C6orf163: variants seen among roughly 807,000 people sequenced by gnomAD.
The protein encoded by C6orf163 is uncharacterized protein C6orf163.
In C6orf163, 22 loss-of-function variants were observed where a neutral mutation model predicts 28.4. The observed-to-expected ratio is 0.78, with a 90% CI of 0.55 to 1.11. The LOEUF is 1.11. C6orf163 is among the 50% of genes least tolerant of loss of function. The pLI, the probability that C6orf163 is intolerant of heterozygous loss-of-function variation, is 0.00. For synonymous variants in C6orf163, 110 were observed against 123.6 expected, an observed-to-expected ratio of 0.89 and a Z score of 0.73; for missense variants, 342 against 389.1, an observed-to-expected ratio of 0.88 and a Z score of 1.02.
intron 4 of C6orf163, chr6:87,358,258 G>A (rs147286602): frequency 1.4e-4 from 21 of 152,034 alleles, no homozygotes; most frequent in African/African-American, 4.8e-4. Flanking sequence ...GTGGATTGAG[G>A]TGATTAGATT....
chr6:87,352,097 C>T (rs980177676), intron 3 of C6orf163, among the ~76,000 whole-genome samples: 1 of 121,682 alleles, frequency 8.2e-6, no homozygotes, highest in Non-Finnish European at 1.9e-5. Context: ...AAAGGGGGAT[C>T]GACCTTCCTG....
intron 4 of C6orf163, chr6:87,358,169 A>G (rs566183542): frequency 3.1e-4 from 47 of 152,302 alleles, no homozygotes; most frequent in African/African-American, 1.1e-3. Context: ...TTATTTTACT[A>G]TAAACTTTCA....
intron 4 of C6orf163, among the ~76,000 whole-genome samples, chr6:87,358,801 A>G (rs929847043): frequency 6.6e-6 from 1 of 152,074 alleles, no homozygotes; most frequent in Non-Finnish European, 1.5e-5. Flanking sequence ...AGGAGATTGT[A>G]TCATCCTACA....
intron 4 of C6orf163, chr6:87,357,309 T>A (rs1777518238): frequency 6.6e-6 from 1 of 152,160 alleles, no homozygotes. Flanking sequence ...TTCCAGATTT[T>A]TTTACCAGGT....
intron 1 of C6orf163, chr6:87,347,282 G>T: frequency 2.1e-6 from 1 of 479,786 alleles, no homozygotes; most frequent in Non-Finnish European, 2.7e-6. Flanking sequence ...CATCCAAGTT[G>T]TTTATCAATA....
intron 1 of C6orf163, chr6:87,347,279 G>A: frequency 2.2e-6 from 1 of 448,088 alleles, no homozygotes; most frequent in Non-Finnish European, 2.9e-6. Flanking sequence ...ATTCATCCAA[G>A]TTGTTTATCA....
chr6:87,356,799 C>A (rs866280622), intron 4 of C6orf163: 10 of 299,124 alleles, frequency 3.3e-5, no homozygotes, highest in African/African-American at 1.9e-4. Context: ...CTTGTCCCTG[C>A]TTGAAAGATA....
In C6orf163 at chr6:87,356,591, A is replaced by G. The variant is rs1777506226; in HGVS notation, c.554+88A>G. The G allele has an allele frequency of 2.5e-6, 3 of 1,185,066 alleles. No homozygotes were observed. In the Admixed American group the frequency reaches 8.0e-5, roughly 32 times the overall value. 73.4% of individuals were successfully genotyped at this position (1,185,066 alleles called of 1,614,324 possible). The stretch of plus-strand genomic sequence containing the variant: ...AGATAAGGTTACAGTACATAGGTAG[A>G]TATTGCCCAGTTTTTGTGTTTTTAC... On this transcript the variant is annotated intron_variant, in intron 4 of 4. Coordinates refer to ENST00000388923, the MANE Select transcript of C6orf163 (RefSeq NM_001010868.3).
At chr6:87,350,623 T>C (rs1777399188) in intron 3 of C6orf163, 122 bp downstream of exon 3, 1 of 617,570 alleles carries the variant, frequency 1.6e-6, no homozygotes, top group Non-Finnish European at 2.8e-6. Context: ...GGCCATTAGC[T>C]GGGATCCCCT....
chr6:87,351,382 A>G (rs1429839173), intron 3 of C6orf163, among the ~76,000 whole-genome samples: 1 of 152,344 alleles, frequency 6.6e-6, no homozygotes, highest in African/African-American at 2.4e-5. Flanking sequence ...CGTTGTTGCA[A>G]CAATGAGCAC....
intron 1 of C6orf163, chr6:87,347,407 TA>T: frequency 1.0e-6 from 1 of 985,044 alleles, no homozygotes. Context: ...TAAAAGAGGA[TA>T]GTGATAGCCT....
chr6:87,356,713 C>G, intron 4 of C6orf163: 1 of 522,126 alleles, frequency 1.9e-6, no homozygotes, highest in Non-Finnish European at 3.4e-6. Flanking sequence ...ACTCAAAAAC[C>G]TACCACCCAG....
Position 87,348,189 on chromosome 6 carries a change from G to C in C6orf163, c.149-623G>C, listed in dbSNP as rs1777356927. ...GAGAAATCCCAGTGGAAAAAGACCT[G>C]GCTGTCTGATATTGCGTGGTCCTCT... On this transcript the variant is annotated intron_variant, in intron 1 of 4. Transcript: ENST00000388923. The C allele has an allele frequency of 5.1e-6, 5 of 983,138 alleles. No individual in the cohort carries two copies. In the African/African-American group the frequency reaches 5.2e-5, roughly 10 times the overall value. 60.9% of individuals were successfully genotyped at this position (983,138 alleles called of 1,614,324 possible).
intron 4 of C6orf163, chr6:87,357,079 C>T (rs1268782027): frequency 1.3e-5 from 2 of 154,042 alleles, no homozygotes; most frequent in African/African-American, 4.8e-5. Flanking sequence ...CCCTCCCTGC[C>T]TCCCAGAGAC....
rs1169565771 is a variant in C6orf163 at position 87,345,254 on chromosome 6, G to T, written c.148+7G>T. The T allele has an allele frequency of 6.6e-7, 1 of 1,511,870 alleles. No homozygotes were observed. The highest frequency in any genetic ancestry group is 2.5e-5 in the East Asian group (1 of 40,556). The allele number at this position is 1,511,870 out of a possible 1,614,324, so 93.7% of individuals were successfully genotyped here. A position where few individuals can be genotyped will look rare whatever the true frequency, so the allele number is the denominator to read the frequency against. ...ACTCACAAAGACATACTAGGTAAGT[G>T]ACTTTATCGTTTTCCTTTGTTCTAA... is the stretch of plus-strand genomic sequence containing the variant. On this transcript the variant is annotated splice_region_variant and intron_variant, in intron 1 of 4. Coordinates refer to ENST00000388923, the MANE Select transcript of C6orf163 (RefSeq NM_001010868.3).
rs571093849 is a variant in C6orf163, at chr6:87,347,125, C to G, written c.149-1687C>G. Among the ~76,000 whole-genome samples, 57 of 152,334 alleles carry G rather than the reference C, an allele frequency of 3.7e-4. 1 individual carries two copies. The South Asian group carries it at 0.012, about 31-fold the overall frequency. ...CTCGTGTTACCCCTTAGCTGTCACT[C>G]TCTTCTCCCCAAACTTGAACCCCTG... On this transcript the variant is annotated intron_variant, in intron 1 of 4. Coordinates refer to ENST00000388923, the MANE Select transcript of C6orf163 (RefSeq NM_001010868.3).
chr6:87,360,191 G>T (rs2127934955), intron 4 of C6orf163, among the ~76,000 whole-genome samples: 1 of 152,218 alleles, frequency 6.6e-6, no homozygotes, highest in South Asian at 2.1e-4. Flanking sequence ...TTAATTTGAA[G>T]AAGGGAAGGA....
At chr6:87,363,999 T>C (rs964978930) in intron 4 of C6orf163, among the ~76,000 whole-genome samples, 1 of 151,010 alleles carries the variant, frequency 6.6e-6, no homozygotes, top group African/African-American at 2.4e-5. Context: ...AAAAAAAAAA[T>C]TAGGCTGGGT....
At chr6:87,355,625 T>A (rs1456840808) in intron 3 of C6orf163, among the ~76,000 whole-genome samples, 3 of 152,204 alleles carry the variant, frequency 2.0e-5, no homozygotes, top group Non-Finnish European at 4.4e-5. Flanking sequence ...TTGCTCCTCC[T>A]CTTTATAATG....
Sources: gnomAD v4.1 joint callset for allele counts (sites outside exome capture counted in the v4.1 genomes callset) on GRCh38, gnomAD v4.1.1 for gene constraint, MANE v1.5 for transcripts, NCBI Gene and HGNC (gene_info 2026-07-23, HGNC 2026-07-21) for gene names.